Variants in TTC6 observed in about 807,000 individuals in gnomAD.
TTC6 encodes the protein tetratricopeptide repeat domain 6, also known as tetratricopeptide repeat protein 6.
TTC6 carries 172 observed loss-of-function variants against 210.4 expected under a neutral mutation model. The observed-to-expected ratio is 0.82, with a 90% CI of 0.72 to 0.93. TTC6 has a LOEUF of 0.93. TTC6 is among the 40% of genes least tolerant of loss of function. The pLI, the probability that TTC6 is intolerant of heterozygous loss-of-function variation, is 0.00. For missense variants in TTC6, 2,414 were observed against 2,318.1 expected (o/e 1.04, Z -0.85); for synonymous variants, 804 against 819.6 (o/e 0.98, Z 0.32).
intron 1 of TTC6, among the ~76,000 whole-genome samples, chr14:37,601,581 C>A (rs2095615643): frequency 6.6e-6 from 1 of 152,134 alleles, no homozygotes; most frequent in Admixed American, 6.5e-5. Context: ...AATGAATGGG[C>A]CGATGGACTG....
At chr14:37,745,338 A>C (rs2095932729) in intron 10 of TTC6, among the ~76,000 whole-genome samples, 1 of 152,204 alleles carries the variant, frequency 6.6e-6, no homozygotes, top group Non-Finnish European at 1.5e-5. Flanking sequence ...CAGGAAAGTA[A>C]AATGGAGATA....
intron 2 of TTC6, among the ~76,000 whole-genome samples, chr14:37,612,739 G>A (rs150588687): frequency 6.6e-6 from 1 of 152,198 alleles, no homozygotes; most frequent in East Asian, 1.9e-4. Flanking sequence ...TTTATGTTTT[G>A]TGGAGGCACT....
rs141841857 is a variant in TTC6, at chr14:37,722,569, C to T, written c.1714-2329C>T. ...TGTTGCTCAAGCTGGTCTTGAACTC[C>T]TGGCCTCAAATGGTCCTCCAGCCTT... is the stretch of plus-strand genomic sequence containing the variant. On this transcript the variant is annotated intron_variant, in intron 6 of 30. Coordinates refer to ENST00000553443, the Ensembl canonical transcript of TTC6. Among the ~76,000 whole-genome samples the T allele has an allele frequency of 3.0e-3, 457 of 152,220 alleles. 4 individuals are homozygous for T. Among genetic ancestry groups the T allele is most frequent in the Non-Finnish European group, 1.8e-3 (125 of 68,010 alleles).
chr14:37,647,185 A>G (rs1030758743), intron 1 of TTC6, among the ~76,000 whole-genome samples: 7 of 152,200 alleles, frequency 4.6e-5, no homozygotes, highest in African/African-American at 1.7e-4. Context: ...ATGGTAAGAA[A>G]TGTGGATTTC....
chr14:37,694,581 C>T (rs1245017987), intron 3 of TTC6, among the ~76,000 whole-genome samples: 2 of 152,130 alleles, frequency 1.3e-5, no homozygotes, highest in Non-Finnish European at 2.9e-5. Flanking sequence ...TGGGTACATA[C>T]CCCAAAGAAA....
At chr14:37,751,932 T>C (rs1314965395) in intron 13 of TTC6, among the ~76,000 whole-genome samples, 1 of 151,042 alleles carries the variant, frequency 6.6e-6, no homozygotes, top group African/African-American at 2.4e-5. Context: ...CACGCCATTC[T>C]CCTGCCTCAG....
chr14:37,718,144 A>G (rs1437165777), intron 6 of TTC6, among the ~76,000 whole-genome samples: 2 of 152,238 alleles, frequency 1.3e-5, no homozygotes, highest in Admixed American at 6.5e-5. Context: ...ACAACTCCTT[A>G]TAAATATTGG....
At chr14:37,766,581 T>C (rs868045113) in intron 14 of TTC6, among the ~76,000 whole-genome samples, 1 of 152,222 alleles carries the variant, frequency 6.6e-6, no homozygotes, top group African/African-American at 2.4e-5. Context: ...ATGCTGTATA[T>C]GTACCACGTT....
intron 14 of TTC6, among the ~76,000 whole-genome samples, chr14:37,765,248 G>A (rs78127889): frequency 6.6e-6 from 1 of 151,250 alleles, no homozygotes; most frequent in Admixed American, 6.6e-5. Context: ...CTACAGTCTT[G>A]AACTCCTAGG....
intron 1 of TTC6, among the ~76,000 whole-genome samples, chr14:37,666,157 G>A (rs1345675090): frequency 6.7e-6 from 1 of 150,286 alleles, no homozygotes; most frequent in Non-Finnish European, 1.5e-5. Flanking sequence ...GAATGAGTGG[G>A]TGGGCTGTGG....
intron 14 of TTC6, among the ~76,000 whole-genome samples, chr14:37,770,317 G>T (rs1285132450): frequency 1.3e-5 from 2 of 152,134 alleles, no homozygotes; most frequent in Non-Finnish European, 1.5e-5. Context: ...TGTCTATTAG[G>T]TCTGCTTGGT....
At chr14:37,643,289 C>T (rs1486383030) in intron 1 of TTC6, among the ~76,000 whole-genome samples, 2 of 152,150 alleles carry the variant, frequency 1.3e-5, no homozygotes, top group Non-Finnish European at 2.9e-5. Context: ...GCCTGGGTGA[C>T]ACAGTAAGAC....
At chr14:37,837,457 A>T (rs781661622) in intron 29 of TTC6, 1 of 452,846 alleles carries the variant, frequency 2.2e-6, no homozygotes, top group Non-Finnish European at 4.4e-6. Context: ...CCTCCCCCCA[A>T]CCTGTCCCAG....
At chr14:37,692,225 A>AAAAAAAAAG (rs1267380061) in intron 3 of TTC6, among the ~76,000 whole-genome samples, 1 of 132,240 alleles carries the variant, frequency 7.6e-6, no homozygotes, top group Non-Finnish European at 1.8e-5. Flanking sequence ...AAAAAAAAAA[A>AAAAAAAAAG]AAAAAAAGAA....
Position 37,770,787 on chromosome 14 carries a change from C to A in TTC6, c.3267-16681C>A, listed in dbSNP as rs1193708796. The stretch of plus-strand genomic sequence containing the variant: ...GCCAGTCTGTGTCTTTTAATTGGAG[C>A]ATTTAGTCCATTTACATTTAAAGTT... On this transcript the variant is annotated intron_variant, in intron 14 of 30. Transcript: ENST00000553443. 6.1e-5 allele frequency among the ~76,000 whole-genome samples: 9 copies of A among 147,828 alleles called. No homozygotes were observed. In the East Asian group the frequency reaches 8.1e-4, roughly 13 times the overall value.
intron 14 of TTC6, among the ~76,000 whole-genome samples, chr14:37,782,389 A>G (rs1035475956): frequency 6.6e-6 from 1 of 152,146 alleles, no homozygotes; most frequent in South Asian, 2.1e-4. Flanking sequence ...CTTTGAAGCA[A>G]TTGTGAATGG....
At chr14:37,614,531 CTTCA>C (rs1013646785) in intron 2 of TTC6, among the ~76,000 whole-genome samples, 2 of 152,066 alleles carry the variant, frequency 1.3e-5, no homozygotes, top group African/African-American at 4.8e-5. Flanking sequence ...CATTTCTCAT[CTTCA>C]TTCATTTTTA....
At chr14:37,663,087 C>T (rs2095740660) in intron 1 of TTC6, among the ~76,000 whole-genome samples, 1 of 152,012 alleles carries the variant, frequency 6.6e-6, no homozygotes. Flanking sequence ...TTGTAATTCT[C>T]ATTGTAGAGC....
intron 10 of TTC6, among the ~76,000 whole-genome samples, chr14:37,746,482 A>G (rs1028906956): frequency 2.0e-5 from 3 of 152,188 alleles, no homozygotes; most frequent in African/African-American, 7.2e-5. Context: ...AGGTCTACCA[A>G]ATAAGAGACC....
Sources: gnomAD v4.1 joint callset for allele counts (sites outside exome capture counted in the v4.1 genomes callset) on GRCh38, gnomAD v4.1.1 for gene constraint, MANE v1.5 for transcripts, NCBI Gene and HGNC (gene_info 2026-07-23, HGNC 2026-07-21) for gene names.